FLG: variants seen among roughly 807,000 people sequenced by gnomAD.
The protein encoded by FLG is epidermal filaggrin.
A neutral mutation model predicts 3.8 loss-of-function variants in FLG; 6 were observed. The observed-to-expected ratio is 1.60, with a 90% confidence interval of 0.87 to 3.15. The LOEUF (loss-of-function observed/expected upper bound fraction) is 3.15, where lower values mean the gene tolerates loss of function less well. Among genes scored for constraint, FLG ranks in the 30% most tolerant of loss-of-function variants. The pLI is 0.00. For synonymous variants in FLG, 2,551 were observed against 1,931.6 expected, an observed-to-expected ratio of 1.32 and a Z score of -8.41; for missense variants, 7,595 against 5,050.9, an observed-to-expected ratio of 1.50 and a Z score of -15.27.
chr1:152,311,958 C>T lies in FLG; in HGVS notation c.2928G>A (p.Glu976=), dbSNP rs898024722. Residue 976 remains glutamate, a synonymous_variant, in exon 3 of 3, where the codon GAG becomes GAA. Coordinates refer to ENST00000368799, the MANE Select transcript of FLG (RefSeq NM_002016.2). Reference sequence around the variant, plus strand: ...GGTGTCTGGAGCCATGTCTTGACTGCTCCTGAGCAGATCCACGATGGTTTC... The same window carrying T: ...GGTGTCTGGAGCCATGTCTTGACTGTTCCTGAGCAGATCCACGATGGTTTC... The part of the protein sequence containing the change: ...ASRNHRGSAQ[E]QSRHGSRHPR... 6 of 1,614,088 alleles carry T rather than the reference C, an allele frequency of 3.7e-6. No homozygotes were observed. The highest frequency in any genetic ancestry group is 5.1e-6 in the Non-Finnish European group (6 of 1,179,988).
chr1:152,313,668 T>C lies in FLG; in HGVS notation c.1218A>G (p.Ser406=). The part of the protein sequence containing the change: ...RHSATGRGQA[S]SAVSDRGHRG... ...GGTGTCCACGATCGCTGACTGCAGA[T>C]GAAGCTTGCCCGCGCCCAGTGGCTG... Residue 406 remains serine (S), a synonymous_variant, in exon 3 of 3, where the codon TCA becomes TCG. Coordinates refer to ENST00000368799, the MANE Select transcript of FLG (RefSeq NM_002016.2). 1 of 1,613,982 alleles carries C rather than the reference T, an allele frequency of 6.2e-7. No homozygotes were observed. Among genetic ancestry groups the C allele is most frequent in the Non-Finnish European group, 8.5e-7 (1 of 1,179,988 alleles).
Position 152,312,335 on chromosome 1 carries a change from C to T in FLG, c.2551G>A (p.Gly851Arg). The change falls in exon 3 of 3, where the codon GGA (glycine) becomes AGA (arginine). Residue 851 changes from glycine (G) to arginine (R), a missense_variant. By Grantham distance (125) the Gly-to-Arg change is moderately radical (BLOSUM62 -2). Coordinates refer to ENST00000368799, the MANE Select transcript of FLG (RefSeq NM_002016.2). ...TGCTCGTGGTGGGACCCCTGCCTTC[C>T]TCTTCTGCTTGACCCCGGGTGTCCA... is the stretch of plus-strand genomic sequence containing the variant. Reference protein sequence around the residue: ...IRGHPGSSRRGRQGSHHEQSV... With the variant: ...IRGHPGSSRRRRQGSHHEQSV... 2 of 1,613,214 alleles carry T rather than the reference C, an allele frequency of 1.2e-6. No individual in the cohort carries two copies. The highest frequency in any genetic ancestry group is 1.3e-5 in the African/African-American group (1 of 74,750).
In FLG at chr1:152,311,447, C is replaced by G. The variant is rs140288306; in HGVS notation, c.3439G>C (p.Glu1147Gln). 2 of 1,613,894 alleles carry G rather than the reference C, an allele frequency of 1.2e-6. No individual in the cohort carries two copies. The highest frequency in any genetic ancestry group is 2.2e-5 in the South Asian group (2 of 91,062). Residue 1147 changes from glutamate to glutamine, a missense_variant, in exon 3 of 3, where the codon GAG becomes CAG. By Grantham distance (29) the Glu-to-Gln change is conservative. Transcript: ENST00000368799. ...STGRRQGSHH[E>Q]QARDSSRHSA... ...TGCCTGGAGCTGTCTCGTGCCTGCT[C>G]GTGGTGGGATCCTTGTCTTCGTCCA...
At position 152,307,265 on chromosome 1, in the gene FLG, C is replaced by G. The variant is rs545954966; in HGVS notation, c.7621G>C (p.Ala2541Pro). The change falls in exon 3 of 3, where the codon GCC becomes CCC. Residue 2541 changes from alanine to proline, a missense_variant. Transcript: ENST00000368799. ...GSRHHEASSR[A>P]DSSGHSQVGQ... is the part of the protein sequence containing the mutation. ...ACCTGCGAGTGTCCAGAGCTGTCGGCCCGAGAGGAAGCTTCATGGTGACGC... is the reference window on the plus strand; with the variant it reads ...ACCTGCGAGTGTCCAGAGCTGTCGGGCCGAGAGGAAGCTTCATGGTGACGC... The G allele has an allele frequency of 6.2e-7, 1 of 1,613,158 alleles. No individual in the cohort carries two copies. Among genetic ancestry groups the G allele is most frequent in the African/African-American group, 1.3e-5 (1 of 74,304 alleles).
In FLG at chr1:152,307,403, T is replaced by G. The variant is rs760407324; in HGVS notation, c.7483A>C (p.Thr2495Pro). 58 of 1,613,182 alleles carry G rather than the reference T, an allele frequency of 3.6e-5. 1 individual carries two copies. The highest frequency in any genetic ancestry group is 3.0e-4 in the South Asian group (27 of 91,008). Residue 2495 changes from threonine (T) to proline (P), a missense_variant, in exon 3 of 3, where the codon ACC (threonine) becomes CCC (proline). Physicochemically the swap from Thr to Pro is conservative, Grantham distance 38 (BLOSUM62 -1). Transcript: ENST00000368799. ...SGHSGSHHSH[T>P]TSQGRSDASH... ...GCATCAGACCTTCCCTGGGATGTGG[T>G]GTGGCTGTGATGAGACCCTGAGTGT...
At position 152,308,636 on chromosome 1, in the gene FLG, A is replaced by G. The variant is rs746024413; in HGVS notation, c.6250T>C (p.Ser2084Pro). The G allele has an allele frequency of 1.2e-6, 2 of 1,613,964 alleles. No homozygotes were observed. Among genetic ancestry groups the G allele is most frequent in the Non-Finnish European group, 8.5e-7 (1 of 1,179,950 alleles). Residue 2084 changes from serine (S) to proline (P), a missense_variant, in exon 3 of 3, where the codon TCT becomes CCT. By Grantham distance (74) the Ser-to-Pro change is moderately conservative. Coordinates refer to ENST00000368799, the MANE Select transcript of FLG (RefSeq NM_002016.2). Reference protein sequence around the residue: ...ESARGQSGESSGRSGSFLYQV... With the variant: ...ESARGQSGESPGRSGSFLYQV... ...TAGAGGAAAGACCCTGAACGTCCAGAGCTTTCCCCTGACTGGCCACGTGCG... is the reference window on the plus strand; with the variant it reads ...TAGAGGAAAGACCCTGAACGTCCAGGGCTTTCCCCTGACTGGCCACGTGCG...
intron 1 of FLG, 120 bp from the exon 2 acceptor site, chr1:152,315,597 G>T: frequency 1.4e-6 from 1 of 710,974 alleles, no homozygotes; most frequent in Non-Finnish European, 2.2e-6. Context: ...CTTTAAGAAT[G>T]GAAGATGGAC....
Position 152,310,399 on chromosome 1 carries a change from C to G in FLG, c.4487G>C (p.Ser1496Thr), listed in dbSNP as rs1652320536. ...QDTIRGHPGS[S>T]RGGRQGSYHE... Reference sequence around the variant, plus strand: ...GTAGGATCCCTGCCTTCCTCCTCTGCTTGACCCCGGGTGTCCACGAATGGT... The same window carrying G: ...GTAGGATCCCTGCCTTCCTCCTCTGGTTGACCCCGGGTGTCCACGAATGGT... The change falls in exon 3 of 3, where the codon AGC becomes ACC. Residue 1496 changes from serine to threonine, a missense_variant. Ser to Thr is a moderately conservative substitution (Grantham distance 58). Transcript: ENST00000368799. 1 of 1,613,496 alleles carries G rather than the reference C, an allele frequency of 6.2e-7. No individual in the cohort carries two copies. The highest frequency in any genetic ancestry group is 1.1e-5 in the South Asian group (1 of 91,046).
rs747805628 is a variant in FLG, at chr1:152,314,394, A to G, written c.492T>C (p.Tyr164=). 4 of 1,612,674 alleles carry G rather than the reference A, an allele frequency of 2.5e-6. No individual in the cohort carries two copies. The highest frequency in any genetic ancestry group is 4.5e-5 in the East Asian group (2 of 44,818). ...SSSEKKERKG[Y]SPTHREEEYG... ...ATTCTTCTTCTCTATGAGTAGGTGAATATCCTTTTCTTTCTTTTTTTTCAG... is the reference window on the plus strand; with the variant it reads ...ATTCTTCTTCTCTATGAGTAGGTGAGTATCCTTTTCTTTCTTTTTTTTCAG... Residue 164 remains tyrosine, a synonymous_variant, in exon 3 of 3, where the codon TAT becomes TAC. Coordinates refer to ENST00000368799, the MANE Select transcript of FLG (RefSeq NM_002016.2).
Position 152,307,318 on chromosome 1 carries a change from G to C in FLG, c.7568C>G (p.Ser2523Ter). 1 of 1,613,586 alleles carries C rather than the reference G, an allele frequency of 6.2e-7. No individual in the cohort carries two copies. Among genetic ancestry groups the C allele is most frequent in the Non-Finnish European group, 8.5e-7 (1 of 1,179,950 alleles). ...CCCTGAGTGCCTGGAGCCGTCTCCTGATTGTTCATCGTTACGAGTTTGTCT... is the reference window on the plus strand; with the variant it reads ...CCCTGAGTGCCTGGAGCCGTCTCCTCATTGTTCATCGTTACGAGTTTGTCT... ...ASRQTRNDEQ[S>*]GDGSRHSGSR... The change falls in exon 3 of 3, where the codon TCA becomes TGA. Residue 2523 changes from serine (S) to a stop codon, truncating the protein, a stop_gained. Coordinates refer to ENST00000368799, the MANE Select transcript of FLG (RefSeq NM_002016.2). LOFTEE classifies it low-confidence loss of function (END_TRUNC).
rs111726465 is a variant in FLG, at chr1:152,311,437, C to T, written c.3449G>A (p.Arg1150Gln). Residue 1150 changes from arginine (R) to glutamine (Q), a missense_variant, in exon 3 of 3, where the codon CGA becomes CAA. Arg to Gln is a conservative substitution (Grantham distance 43, BLOSUM62 1). Coordinates refer to ENST00000368799, the MANE Select transcript of FLG (RefSeq NM_002016.2). ...RRQGSHHEQARDSSRHSASQE... is the reference protein window; with the variant it reads ...RRQGSHHEQAQDSSRHSASQE... ...GGACGCTGAGTGCCTGGAGCTGTCT[C>T]GTGCCTGCTCGTGGTGGGATCCTTG... is the stretch of plus-strand genomic sequence containing the variant. The T allele has an allele frequency of 3.8e-5, 62 of 1,613,754 alleles. No homozygotes were observed. The Admixed American group carries it at 6.2e-4, about 16-fold the overall frequency.
Position 152,304,373 on chromosome 1 carries a change from G to T in FLG, c.10513C>A (p.His3505Asn). The T allele has an allele frequency of 6.2e-7, 1 of 1,611,852 alleles. No homozygotes were observed. Among genetic ancestry groups the T allele is most frequent in the Non-Finnish European group, 8.5e-7 (1 of 1,179,106 alleles). Residue 3505 changes from histidine (H) to asparagine (N), a missense_variant, in exon 3 of 3, where the codon CAT becomes AAT. His to Asn is a moderately conservative substitution (Grantham distance 68). Transcript: ENST00000368799. Reference sequence around the variant, plus strand: ...GCCTGAGTGGAAGCTTCATGGTGATGCGACCATGAGTGCCTGGAGCCATCT... The same window carrying T: ...GCCTGAGTGGAAGCTTCATGGTGATTCGACCATGAGTGCCTGGAGCCATCT... The part of the protein sequence containing the change: ...SGDGSRHSWS[H>N]HHEASTQADS...
rs778868457 is a variant in FLG at position 152,309,139 on chromosome 1, G to A, written c.5747C>T (p.Ser1916Phe). 1.9e-6 allele frequency: 3 copies of A among 1,613,668 alleles called. No homozygotes were observed. In the South Asian group the frequency reaches 3.3e-5, roughly 18 times the overall value. ...ACTGTCACTGTCCTGGCTAACACTG[G>A]ATCCCTGGTTCCTGCTTGTCCTGGG... ...SGPRTSRNQG[S>F]SVSQDSDSQG... Residue 1916 changes from serine (S) to phenylalanine (F), a missense_variant, in exon 3 of 3, where the codon TCC becomes TTC. By Grantham distance (155) the Ser-to-Phe change is radical. Transcript: ENST00000368799.
Position 152,308,467 on chromosome 1 carries a change from C to T in FLG, c.6419G>A (p.Gly2140Glu). Residue 2140 changes from glycine to glutamate, a missense_variant, in exon 3 of 3, where the codon GGA becomes GAA. Transcript: ENST00000368799. ...ASQEGQDTIR[G>E]HPGPSRGGRQ... is the part of the protein sequence containing the mutation. The stretch of plus-strand genomic sequence containing the variant: ...TCCTCCTCTGCTTGGCCCCGGGTGT[C>T]CACGAATGGTGTCCTGACCCTCTTG... The T allele has an allele frequency of 6.2e-7, 1 of 1,613,734 alleles. No individual in the cohort carries two copies. Among genetic ancestry groups the T allele is most frequent in the Non-Finnish European group, 8.5e-7 (1 of 1,179,864 alleles).
chr1:152,302,651 A>T lies in FLG; in HGVS notation c.*49T>A, dbSNP rs1185627855. 1 of 1,605,322 alleles carries T rather than the reference A, an allele frequency of 6.2e-7. No individual in the cohort carries two copies. The highest frequency in any genetic ancestry group is 1.7e-5 in the Admixed American group (1 of 59,172). On this transcript the variant is annotated 3_prime_UTR_variant, in exon 3 of 3. Coordinates refer to ENST00000368799, the MANE Select transcript of FLG (RefSeq NM_002016.2). ...TATGAAGTTTCTTGATTGAAAGTGAACTTGCTTCATTCTTCTATTCTTGGA... is the reference window on the plus strand; with the variant it reads ...TATGAAGTTTCTTGATTGAAAGTGATCTTGCTTCATTCTTCTATTCTTGGA...
rs1016662551 is a variant in FLG at position 152,309,856 on chromosome 1, G to A, written c.5030C>T (p.Pro1677Leu). Residue 1677 changes from proline (P) to leucine (L), a missense_variant, in exon 3 of 3, where the codon CCA (proline) becomes CTA (leucine). Physicochemically the swap from Pro to Leu is moderately conservative, Grantham distance 98. Transcript: ENST00000368799. ...ASSQEQARSSPGERHGSRHQQ... is the reference protein window; with the variant it reads ...ASSQEQARSSLGERHGSRHQQ... Reference sequence around the variant, plus strand: ...GTGGCGGGATCCATGTCTTTCTCCTGGACTTGACCTTGCCTGTTCCTGGGA... The same window carrying A: ...GTGGCGGGATCCATGTCTTTCTCCTAGACTTGACCTTGCCTGTTCCTGGGA... 5 of 1,613,946 alleles carry A rather than the reference G, an allele frequency of 3.1e-6. No individual in the cohort carries two copies. The highest frequency in any genetic ancestry group is 3.4e-6 in the Non-Finnish European group (4 of 1,180,024).
rs929492310 is a variant in FLG at position 152,302,396 on chromosome 1, A to T, written c.*304T>A. ...ATTTAGAAATTTGGGGAGTGTCTAA[A>T]ACTTAAACTTTCAAAAACATAAAAC... On this transcript the variant is annotated 3_prime_UTR_variant, in exon 3 of 3. Coordinates refer to ENST00000368799, the MANE Select transcript of FLG (RefSeq NM_002016.2). The T allele has an allele frequency of 1.4e-5, 5 of 364,210 alleles. No homozygotes were observed. The highest frequency in any genetic ancestry group is 8.4e-5 in the African/African-American group (4 of 47,834). 22.6% of individuals were successfully genotyped at this position (364,210 alleles called of 1,614,324 possible). A position where few individuals can be genotyped will look rare whatever the true frequency, so the allele number is the denominator to read the frequency against.
Position 152,309,862 on chromosome 1 carries a change from G to C in FLG, c.5024C>G (p.Ser1675Ter). The stretch of plus-strand genomic sequence containing the variant: ...GGATCCATGTCTTTCTCCTGGACTT[G>C]ACCTTGCCTGTTCCTGGGATGATGC... Reference protein sequence around the residue: ...QAASSQEQARSSPGERHGSRH... With the variant: ...QAASSQEQAR The change falls in exon 3 of 3, where the codon TCA becomes TGA. Residue 1675 changes from serine to a stop codon, truncating the protein, a stop_gained. Coordinates refer to ENST00000368799, the MANE Select transcript of FLG (RefSeq NM_002016.2). LOFTEE classifies it low-confidence loss of function (END_TRUNC). 1 of 1,614,092 alleles carries C rather than the reference G, an allele frequency of 6.2e-7. No homozygotes were observed. Among genetic ancestry groups the C allele is most frequent in the Non-Finnish European group, 8.5e-7 (1 of 1,180,022 alleles).
Position 152,312,729 on chromosome 1 carries a change from G to A in FLG, c.2157C>T (p.Ser719=), listed in dbSNP as rs1420124854. The A allele has an allele frequency of 2.5e-6, 4 of 1,613,942 alleles. No homozygotes were observed. Among genetic ancestry groups the A allele is most frequent in the Non-Finnish European group, 3.4e-6 (4 of 1,180,044 alleles). Residue 719 remains serine, a synonymous_variant, in exon 3 of 3, where the codon AGC becomes AGT. Coordinates refer to ENST00000368799, the MANE Select transcript of FLG (RefSeq NM_002016.2). The part of the protein sequence containing the change: ...GSRHQLQSAD[S]SRHSGTGHGQ... ...CGTGCCCAGTGCCTGAGTGTCTGGA[G>A]CTGTCTGCTGACTGGAGCTGGTGGC...
Sources: gnomAD v4.1 joint callset for allele counts on GRCh38, gnomAD v4.1.1 for gene constraint, MANE v1.5 for transcripts, NCBI Gene and HGNC (gene_info 2026-07-23, HGNC 2026-07-21) for gene names.